Variants in CHEK1 observed in about 807,000 individuals in gnomAD.
CHEK1 encodes the protein serine/threonine-protein kinase Chk1.
Under a neutral mutation model 60.2 loss-of-function variants are expected in CHEK1, and 32 were observed. The observed-to-expected ratio is 0.53, with a 90% CI of 0.40 to 0.71. The LOEUF is 0.71. CHEK1 is among the 30% of genes least tolerant of loss of function. The probability of loss-of-function intolerance (pLI) is 0.00; values close to 1 mark genes in which losing one functional copy is unlikely to be tolerated. For missense variants in CHEK1, 399 were observed against 564.6 expected, an observed-to-expected ratio of 0.71 and a Z score of 2.97; for synonymous variants, 179 against 187.2, an observed-to-expected ratio of 0.96 and a Z score of 0.36.
chr11:125,676,331 G>C (rs1257449372), downstream of CHEK1: 1 of 1,613,252 alleles, frequency 6.2e-7, no homozygotes. Flanking sequence ...TTCTCAGGCA[G>C]AAATTGCCTC....
intron 1 of CHEK1, 34 bp downstream of exon 1, chr11:125,626,046 T>G: frequency 1.4e-6 from 1 of 690,256 alleles, no homozygotes; most frequent in South Asian, 1.5e-5. Context: ...TAGGGAAGGT[T>G]TCTAAAGAAG....
At chr11:125,627,956 A>G (rs1940692872) in intron 3 of CHEK1, 126 bp downstream of exon 3, 1 of 700,152 alleles carries the variant, frequency 1.4e-6, no homozygotes, top group South Asian at 2.3e-5. Context: ...GGAATACATT[A>G]TCTTTAAAAA....
rs570573166 is a variant in CHEK1, at chr11:125,673,835, CT to C, written c.*28-2092del. On this transcript the variant is annotated intron_variant, in intron 13 of 13. Coordinates refer to the CHEK1 transcript ENST00000428830. ...AAGGTCTGTCAGTTCTACTTGCAAT[CT>C]AGTTTGTTTCTGTCACTCGGTTTCC... Among the ~76,000 whole-genome samples the C allele has an allele frequency of 4.3e-3, 659 of 152,286 alleles. 10 individuals are homozygous for C. The highest frequency in any genetic ancestry group is 0.013 in the African/African-American group (544 of 41,552).
chr11:125,647,655 T>C (rs1320616669), intron 11 of CHEK1, among the ~76,000 whole-genome samples: 1 of 152,184 alleles, frequency 6.6e-6, no homozygotes, highest in Non-Finnish European at 1.5e-5. Flanking sequence ...GACCAAAAGT[T>C]TTGTGGATTT....
chr11:125,645,949 T>C (rs963280907), intron 11 of CHEK1, among the ~76,000 whole-genome samples: 1 of 150,464 alleles, frequency 6.6e-6, no homozygotes, highest in East Asian at 1.9e-4. Context: ...TGATTCACTT[T>C]CTTTCAGGTA....
intron 8 of CHEK1, among the ~76,000 whole-genome samples, chr11:125,638,159 T>C (rs774244379): frequency 1.4e-4 from 22 of 152,222 alleles, no homozygotes; most frequent in Non-Finnish European, 1.6e-4. Flanking sequence ...TTAAGACCAC[T>C]GGGGAGACCT....
rs1352706661 is a variant in CHEK1, at chr11:125,644,589, G to A, written c.1179G>A (p.Leu393=). ...KLDADKSYQC[L]KETCEKLGYQ... ...ATGCAGACAAATCTTATCAATGCCT[G>A]AAAGAGACTTGTGAGAAGTTGGGCT... The change falls in exon 11 of 13, where the codon CTG becomes CTA. Residue 393 remains leucine (L), a synonymous_variant. Coordinates refer to ENST00000438015, the MANE Select transcript of CHEK1 (RefSeq NM_001114122.3). 5.6e-6 allele frequency: 9 copies of A among 1,614,030 alleles called. No individual in the cohort carries two copies. The Admixed American group carries it at 8.3e-5, about 15-fold the overall frequency.
At position 125,656,206 on chromosome 11, in the gene CHEK1, G is replaced by A. The variant is rs984923724; in HGVS notation, c.*886G>A. ...TTGTATCAACTTTGGGGCATATTAG[G>A]TTGAGGCCTTGGCTCCTGCCTGTAG... On this transcript the variant is annotated 3_prime_UTR_variant, in exon 13 of 13. Coordinates refer to ENST00000438015, the MANE Select transcript of CHEK1 (RefSeq NM_001114122.3). The A allele has an allele frequency of 1.9e-5, 4 of 212,382 alleles. No individual in the cohort carries two copies. The highest frequency in any genetic ancestry group is 6.8e-5 in the African/African-American group (3 of 44,178). The allele number at this position is 212,382 out of a possible 1,614,324, so 13.2% of individuals were successfully genotyped here. A position where few individuals can be genotyped will look rare whatever the true frequency, so the allele number is the denominator to read the frequency against.
chr11:125,634,966 T>C (rs1251802247), intron 6 of CHEK1, among the ~76,000 whole-genome samples: 1 of 151,804 alleles, frequency 6.6e-6, no homozygotes, highest in Non-Finnish European at 1.5e-5. Context: ...TTTTTGGTTT[T>C]TTTTTTTTTG....
chr11:125,661,165 A>G (rs898586394), downstream of CHEK1, among the ~76,000 whole-genome samples: 1 of 152,008 alleles, frequency 6.6e-6, no homozygotes, highest in African/African-American at 2.4e-5. Flanking sequence ...ATCTGACAGT[A>G]TTTGTTTTTC....
exon 14 of CHEK1, chr11:125,676,171 G>A (rs1330529119): frequency 2.1e-5 from 14 of 656,798 alleles, no homozygotes; most frequent in Non-Finnish European, 2.0e-5. Flanking sequence ...GCCTCCCAAA[G>A]TGCTGGGATT....
intron 13 of CHEK1, among the ~76,000 whole-genome samples, chr11:125,662,941 A>C (rs1942043418): frequency 6.6e-6 from 1 of 151,976 alleles, no homozygotes; most frequent in Non-Finnish European, 1.5e-5. Context: ...TCTCATTGTG[A>C]GTTGAATTTG....
rs570616732 is a variant in CHEK1 at position 125,629,123 on chromosome 11, T to C, written c.290-109T>C. The C allele has an allele frequency of 1.2e-3, 1,195 of 1,025,896 alleles. 6 individuals carry two copies. Among genetic ancestry groups the C allele is most frequent in the South Asian group, 4.0e-3 (282 of 70,304 alleles). The allele number at this position is 1,025,896 out of a possible 1,614,324, so 63.5% of individuals were successfully genotyped here. On this transcript the variant is annotated intron_variant, in intron 3 of 12. Transcript: ENST00000438015. ...TCCTGAATCTTTTGTTGGCATTTGC[T>C]TCTGTTTGCCTAAGCACATTTGTAA...
In CHEK1 at chr11:125,653,681, A is replaced by T. The variant is rs775826675; in HGVS notation, c.1234-65A>T. On this transcript the variant is annotated intron_variant, in intron 11 of 12. Transcript: ENST00000438015. This position sits in a 1 kb window ranked among gnomAD's most constrained non-coding sequence, Gnocchi z 4.3. ...TTGAGAAACTTCTATTCTGTTCTTC[A>T]TAGTGGGTTTACTAGTTTATTATCT... 283 of 774,788 alleles carry T rather than the reference A, an allele frequency of 3.7e-4. No homozygotes were observed. The highest frequency in any genetic ancestry group is 2.5e-4 in the Middle Eastern group (1 of 4,068). The allele number at this position is 774,788 out of a possible 1,614,324, so 48.0% of individuals were successfully genotyped here.
intron 13 of CHEK1, among the ~76,000 whole-genome samples, chr11:125,673,036 GTC>G (rs1009137308): frequency 6.6e-6 from 1 of 151,932 alleles, no homozygotes; most frequent in African/African-American, 2.4e-5. Flanking sequence ...CCTTCCCAGA[GTC>G]TGCCTATCCT....
intron 11 of CHEK1, among the ~76,000 whole-genome samples, chr11:125,647,173 A>G (rs1324934793): frequency 6.6e-6 from 1 of 152,160 alleles, no homozygotes; most frequent in East Asian, 1.9e-4. Flanking sequence ...ATATTTGTAT[A>G]TAGTATGATG....
chr11:125,678,983 T>TATATATATATAG (rs1473514508), downstream of CHEK1, among the ~76,000 whole-genome samples: 22 of 138,264 alleles, frequency 1.6e-4, 3 homozygotes, highest in African/African-American at 5.3e-4. Flanking sequence ...GCATATTATA[T>TATATATATATAG]ATATATATAT....
intron 6 of CHEK1, among the ~76,000 whole-genome samples, chr11:125,634,646 C>T (rs1940996161): frequency 7.2e-6 from 1 of 139,584 alleles, no homozygotes; most frequent in African/African-American, 2.7e-5. Context: ...GGCACACAAG[C>T]CCTTATTAGA....
chr11:125,660,638 A>G (rs1941994735), downstream of CHEK1, among the ~76,000 whole-genome samples: 1 of 152,080 alleles, frequency 6.6e-6, no homozygotes, highest in Non-Finnish European at 1.5e-5. Context: ...TTTAGAAGTA[A>G]CTTCTTTATA....
Sources: gnomAD v4.1 joint callset for allele counts (sites outside exome capture counted in the v4.1 genomes callset) on GRCh38, gnomAD v4.1.1 for gene constraint, Gnocchi (gnomAD v3.1) non-coding constraint, MANE v1.5 for transcripts, NCBI Gene and HGNC (gene_info 2026-07-23, HGNC 2026-07-21) for gene names.